TAS2R1: variants seen among roughly 807,000 people sequenced by gnomAD.
TAS2R1 encodes taste 2 receptor member 1, also known as taste receptor type 2 member 1.
For synonymous variants in TAS2R1, 141 were observed against 134.2 expected (o/e 1.05, Z -0.35); for missense variants, 370 against 353.4 (o/e 1.05, Z -0.38).
At chr5:9,683,451 G>A (rs1033018610) in intron 1 of TAS2R1, among the ~76,000 whole-genome samples, 9 of 152,142 alleles carry the variant, frequency 5.9e-5, no homozygotes, top group African/African-American at 2.2e-4. Flanking sequence ...TGTCAAGGAG[G>A]AACAGAGTCC....
chr5:9,686,085 G>A (rs915468103), intron 1 of TAS2R1, among the ~76,000 whole-genome samples: 3 of 152,022 alleles, frequency 2.0e-5, no homozygotes, highest in Non-Finnish European at 2.9e-5. Context: ...GGCTGATCTC[G>A]AACTCCTGAC....
chr5:9,667,434 G>A (rs987575040), intron 1 of TAS2R1, among the ~76,000 whole-genome samples: 1 of 152,176 alleles, frequency 6.6e-6, no homozygotes, highest in Non-Finnish European at 1.5e-5. Flanking sequence ...ACTTCTTGTA[G>A]CCAGATGGGC....
chr5:9,660,180 T>C (rs1430415415), intron 1 of TAS2R1, among the ~76,000 whole-genome samples: 2 of 148,154 alleles, frequency 1.3e-5, no homozygotes, highest in African/African-American at 2.5e-5. Context: ...TGCCTCAGCC[T>C]CTCAAGTAGC....
chr5:9,802,539 A>T, the TAS2R1 span, among the ~76,000 whole-genome samples: 16 of 152,312 alleles, frequency 1.1e-4, no homozygotes, highest in Non-Finnish European at 2.2e-4. Flanking sequence ...CCCCCAAAAG[A>T]TCATAGGTCC....
At chr5:9,794,641 A>G in the TAS2R1 span, among the ~76,000 whole-genome samples, 1 of 152,220 alleles carries the variant, frequency 6.6e-6, no homozygotes, top group South Asian at 2.1e-4. Context: ...CAATTACCCT[A>G]AGTAAACTTT....
At chr5:9,902,584 G>GAGGT in the TAS2R1 span, 1 of 152,058 alleles carries the variant, frequency 6.6e-6, no homozygotes, top group African/African-American at 2.4e-5. Context: ...TCATAGAGGT[G>GAGGT]AGGTCACAGG....
At chr5:9,797,075 G>C in the TAS2R1 span, among the ~76,000 whole-genome samples, 1 of 152,154 alleles carries the variant, frequency 6.6e-6, no homozygotes, top group African/African-American at 2.4e-5. Flanking sequence ...GGAGGAGTTT[G>C]ATTGGGCTCA....
the TAS2R1 span, among the ~76,000 whole-genome samples, chr5:9,830,598 T>TGCGC: frequency 1.1e-3 from 116 of 106,362 alleles, no homozygotes; most frequent in African/African-American, 1.7e-3. Flanking sequence ...GATAGACACG[T>TGCGC]GCGCGCGCAC....
chr5:9,826,014 T>G, the TAS2R1 span, among the ~76,000 whole-genome samples: 3 of 152,212 alleles, frequency 2.0e-5, no homozygotes, highest in Non-Finnish European at 2.9e-5. Context: ...CAAGCTGATA[T>G]TGTTTCTAGG....
the TAS2R1 span, among the ~76,000 whole-genome samples, chr5:9,900,321 A>T: frequency 6.6e-6 from 1 of 152,232 alleles, no homozygotes; most frequent in African/African-American, 2.4e-5. Context: ...TATCCTTTCC[A>T]CAGATGTTAG....
chr5:9,709,762 T>C (rs1375731532), intron 1 of TAS2R1, among the ~76,000 whole-genome samples: 2 of 152,186 alleles, frequency 1.3e-5, no homozygotes, highest in African/African-American at 2.4e-5. Context: ...TCAGCTAACA[T>C]TGTGACTAAC....
intron 1 of TAS2R1, among the ~76,000 whole-genome samples, chr5:9,676,978 C>T (rs1205331691): frequency 6.6e-6 from 1 of 152,078 alleles, no homozygotes; most frequent in Non-Finnish European, 1.5e-5. Context: ...CAGCACTATT[C>T]ATAATAGCAA....
chr5:9,695,731 T>G (rs7713633), intron 1 of TAS2R1, among the ~76,000 whole-genome samples: 68,480 of 151,722 alleles, frequency 0.45, 15,820 homozygotes, highest in Middle Eastern at 0.51. Context: ...GACGTCATCT[T>G]GAGACCTCAG....
chr5:9,826,646 T>C, the TAS2R1 span, among the ~76,000 whole-genome samples: 3 of 152,218 alleles, frequency 2.0e-5, no homozygotes, highest in African/African-American at 4.8e-5. Flanking sequence ...GATAACTTTT[T>C]TATAACTACA....
the TAS2R1 span, among the ~76,000 whole-genome samples, chr5:9,882,217 A>G: frequency 2.0e-5 from 3 of 152,252 alleles, no homozygotes; most frequent in African/African-American, 4.8e-5. Context: ...TCTCAAAAGA[A>G]GACATTTATG....
intron 1 of TAS2R1, among the ~76,000 whole-genome samples, chr5:9,688,989 G>A (rs886925701): frequency 2.6e-5 from 4 of 152,090 alleles, no homozygotes; most frequent in South Asian, 4.1e-4. Flanking sequence ...AGACGGCCCC[G>A]ACCATCACGG....
chr5:9,876,479 A>C, the TAS2R1 span, among the ~76,000 whole-genome samples: 9 of 152,200 alleles, frequency 5.9e-5, no homozygotes, highest in Non-Finnish European at 1.2e-4. Context: ...TAGAAAACTC[A>C]TCCTTCACAG....
intron 2 of TAS2R1, among the ~76,000 whole-genome samples, chr5:9,647,205 C>G (rs1740207120): frequency 6.6e-6 from 1 of 152,102 alleles, no homozygotes; most frequent in African/African-American, 2.4e-5. Flanking sequence ...AACTCCTTAC[C>G]ATATGTGAAA....
the TAS2R1 span, among the ~76,000 whole-genome samples, chr5:9,733,672 G>A: frequency 3.9e-5 from 6 of 152,190 alleles, no homozygotes; most frequent in Non-Finnish European, 7.4e-5. Context: ...GTGGAAAACC[G>A]ACCTCCTAAT....
Sources: gnomAD v4.1 joint callset for allele counts (sites outside exome capture counted in the v4.1 genomes callset) on GRCh38, gnomAD v4.1.1 for gene constraint, MANE v1.5 for transcripts, NCBI Gene and HGNC (gene_info 2026-07-23, HGNC 2026-07-21) for gene names.